Variants in PECAM1 observed in about 807,000 individuals in gnomAD.
The protein encoded by PECAM1 is platelet and endothelial cell adhesion molecule 1, also known as platelet endothelial cell adhesion molecule.
Under a neutral mutation model 13.8 loss-of-function variants are expected in PECAM1, and 8 were observed. The observed-to-expected ratio is 0.58, with a 90% CI of 0.34 to 1.05. The LOEUF is 1.05. Ranked by LOEUF, PECAM1 falls within the 50% of genes least tolerant of loss-of-function variation. PECAM1 has a pLI of 0.03. For synonymous variants in PECAM1, 136 were observed against 52.6 expected (o/e 2.58, Z -6.86); for missense variants, 304 against 141.2 (o/e 2.15, Z -5.84).
At chr17:64,380,504 G>A (rs1366701562) in intron 2 of PECAM1, among the ~76,000 whole-genome samples, 1 of 152,072 alleles carries the variant, frequency 6.6e-6, no homozygotes, top group African/African-American at 2.4e-5. Flanking sequence ...CCAGCATTTG[G>A]ACCTGGGATT....
At position 64,359,658 on chromosome 17, in the gene PECAM1, T is replaced by G. The variant is rs897909008; in HGVS notation, c.1492+482A>C. Among the ~76,000 whole-genome samples the G allele has an allele frequency of 3.0e-4, 45 of 152,270 alleles. No homozygotes were observed. In the South Asian group the frequency reaches 9.3e-3, roughly 32 times the overall value. On this transcript the variant is annotated intron_variant, in intron 7 of 15. Transcript: ENST00000563924. ...AAAGAGATTACATTGTCCTCATCAATAGCCCCCAAATATTTTCCAGCCTCC... is the reference window on the plus strand; with the variant it reads ...AAAGAGATTACATTGTCCTCATCAAGAGCCCCCAAATATTTTCCAGCCTCC...
intron 5 of PECAM1, among the ~76,000 whole-genome samples, chr17:64,366,285 C>T (rs1442208884): frequency 2.0e-5 from 3 of 151,960 alleles, no homozygotes; most frequent in Non-Finnish European, 4.4e-5. Context: ...TACCATCTCA[C>T]ACCAGTTAGA....
chr17:64,339,708 G>T (rs1281926454), intron 14 of PECAM1, among the ~76,000 whole-genome samples: 5 of 152,162 alleles, frequency 3.3e-5, no homozygotes, highest in Admixed American at 2.6e-4. Context: ...CAGAGAATTG[G>T]TTTTTCAAAA....
intron 15 of PECAM1, among the ~76,000 whole-genome samples, chr17:64,325,170 T>C (rs1370656115): frequency 6.7e-6 from 1 of 149,520 alleles, no homozygotes; most frequent in Non-Finnish European, 1.5e-5. Flanking sequence ...GGGTGGATCA[T>C]GAGGTCAGGA....
intron 13 of PECAM1, among the ~76,000 whole-genome samples, chr17:64,344,830 C>T (rs2035523914): frequency 6.6e-6 from 1 of 152,118 alleles, no homozygotes. Flanking sequence ...CCAAAAAGCT[C>T]TCCATTGCCC....
chr17:64,368,991 C>T (rs1156554879), intron 5 of PECAM1, among the ~76,000 whole-genome samples: 2 of 108,326 alleles, frequency 1.8e-5, no homozygotes, highest in African/African-American at 7.1e-5. Flanking sequence ...GGCTGGAGTG[C>T]AGTGGCGCAA....
At chr17:64,347,286 G>C (rs919121465) in intron 13 of PECAM1, among the ~76,000 whole-genome samples, 1 of 151,990 alleles carries the variant, frequency 6.6e-6, no homozygotes, top group Non-Finnish European at 1.5e-5. Context: ...GGGAGGCTGA[G>C]GGGGGTGGAT....
intron 2 of PECAM1, among the ~76,000 whole-genome samples, chr17:64,388,178 T>C (rs1293341813): frequency 2.0e-5 from 3 of 152,070 alleles, no homozygotes; most frequent in Non-Finnish European, 2.9e-5. Flanking sequence ...TTGACTTCCA[T>C]GTGGTGTGGA....
In PECAM1 at chr17:64,322,361, G is replaced by A. The variant is rs1598265465; in HGVS notation, c.*1455C>T. ...AGGTTGCGCCGCTGCAGTCCAGCCCGGGCAACAAGAGCGAATCTCCGTCTC... is the reference window on the plus strand; with the variant it reads ...AGGTTGCGCCGCTGCAGTCCAGCCCAGGCAACAAGAGCGAATCTCCGTCTC... On this transcript the variant is annotated 3_prime_UTR_variant, in exon 16 of 16. Transcript: ENST00000563924. 1.9e-5 allele frequency: 18 copies of A among 950,428 alleles called. No homozygotes were observed. The South Asian group carries it at 5.3e-4, about 28-fold the overall frequency. 58.9% of individuals were successfully genotyped at this position (950,428 alleles called of 1,614,324 possible). A position where few individuals can be genotyped will look rare whatever the true frequency, so the allele number is the denominator to read the frequency against.
intron 15 of PECAM1, among the ~76,000 whole-genome samples, chr17:64,324,730 C>T (rs1249012380): frequency 6.6e-6 from 1 of 152,190 alleles, no homozygotes; most frequent in Non-Finnish European, 1.5e-5. Flanking sequence ...ATATTTTCAA[C>T]ACAGGAAAAC....
In PECAM1 at chr17:64,322,796, A is replaced by G. The variant is rs1598266050; in HGVS notation, c.*1020T>C. 1 of 596,106 alleles carries G rather than the reference A, an allele frequency of 1.7e-6. No homozygotes were observed. Among genetic ancestry groups the G allele is most frequent in the African/African-American group, 2.0e-5 (1 of 50,012 alleles). The allele number at this position is 596,106 out of a possible 1,614,324, so 36.9% of individuals were successfully genotyped here. A position where few individuals can be genotyped will look rare whatever the true frequency, so the allele number is the denominator to read the frequency against. The stretch of plus-strand genomic sequence containing the variant: ...AGTGGCGCGATCTCCGCTCACTACA[A>G]CCTCCGTTTCCTGGGTTCAAGCGAT... On this transcript the variant is annotated 3_prime_UTR_variant, in exon 16 of 16. Transcript: ENST00000563924.
chr17:64,343,295 G>A (rs1183003908), intron 13 of PECAM1, among the ~76,000 whole-genome samples: 4 of 151,868 alleles, frequency 2.6e-5, no homozygotes, highest in Non-Finnish European at 5.9e-5. Flanking sequence ...TCCACAGCCA[G>A]CACTGCCCTT....
At chr17:64,374,084 G>A (rs1438194677) in intron 4 of PECAM1, among the ~76,000 whole-genome samples, 1 of 152,082 alleles carries the variant, frequency 6.6e-6, no homozygotes, top group Non-Finnish European at 1.5e-5. Context: ...CTTTCCTCCC[G>A]ATCCCCTCCA....
intron 5 of PECAM1, among the ~76,000 whole-genome samples, chr17:64,368,290 A>G (rs924187892): frequency 6.6e-6 from 1 of 152,186 alleles, no homozygotes; most frequent in Non-Finnish European, 1.5e-5. Flanking sequence ...GCATACACAT[A>G]ATAAACAAGA....
chr17:64,371,504 A>C (rs1016431934), intron 4 of PECAM1, among the ~76,000 whole-genome samples: 166 of 152,130 alleles, frequency 1.1e-3, no homozygotes, highest in Admixed American at 2.8e-3. Flanking sequence ...GAGACCCTCC[A>C]TCTCAAAAAA....
intron 2 of PECAM1, among the ~76,000 whole-genome samples, chr17:64,386,125 G>A (rs2036588167): frequency 6.6e-6 from 1 of 152,172 alleles, no homozygotes; most frequent in African/African-American, 2.4e-5. Context: ...CTTGTTTCTG[G>A]GGTGTTGAAA....
chr17:64,366,007 A>AAAAGAAACTACCATCAG (rs2036095474), intron 5 of PECAM1, among the ~76,000 whole-genome samples: 1 of 152,080 alleles, frequency 6.6e-6, no homozygotes, highest in Non-Finnish European at 1.5e-5. Flanking sequence ...TCTGCACAGC[A>AAAAGAAACTACCATCAG]AAAGAAACTA....
intron 12 of PECAM1, among the ~76,000 whole-genome samples, chr17:64,349,714 G>A (rs1185229145): frequency 1.3e-5 from 2 of 151,292 alleles, no homozygotes; most frequent in African/African-American, 4.9e-5. Flanking sequence ...GTGAAACCCT[G>A]TCTCTAGTAA....
intron 13 of PECAM1, among the ~76,000 whole-genome samples, chr17:64,347,700 T>C (rs1220769943): frequency 6.9e-6 from 1 of 144,710 alleles, no homozygotes; most frequent in African/African-American, 2.5e-5. Flanking sequence ...TGTATTTATA[T>C]TTATATATTA....
Sources: gnomAD v4.1 joint callset for allele counts (sites outside exome capture counted in the v4.1 genomes callset) on GRCh38, gnomAD v4.1.1 for gene constraint, MANE v1.5 for transcripts, NCBI Gene and HGNC (gene_info 2026-07-23, HGNC 2026-07-21) for gene names.